The following PURG variants were observed in gnomAD, a reference collection of about 807,000 sequenced individuals.
The protein encoded by PURG is purine rich element binding protein G, also known as purine-rich element-binding protein gamma.
PURG carries 3 observed loss-of-function variants against 24.3 expected under a neutral mutation model. The ratio of observed to expected loss-of-function variants is 0.12; its 90% CI spans 0.06 to 0.32. The LOEUF is 0.32. Ranked by LOEUF, PURG falls within the 10% of genes least tolerant of loss-of-function variation. The probability of loss-of-function intolerance (pLI) is 1.00; values close to 1 mark genes in which losing one functional copy is unlikely to be tolerated. For missense variants in PURG, 371 were observed against 439.1 expected, an observed-to-expected ratio of 0.84 and a Z score of 1.39; for synonymous variants, 180 against 173.1, an observed-to-expected ratio of 1.04 and a Z score of -0.31.
At chr8:31,012,710 A>C (rs1266386443) in intron 1 of PURG, among the ~76,000 whole-genome samples, 1 of 152,238 alleles carries the variant, frequency 6.6e-6, no homozygotes, top group African/African-American at 2.4e-5. Context: ...GGGTCCACAG[A>C]GGCTAAATGA....
chr8:31,001,777 T>C (rs752771991), intron 1 of PURG, among the ~76,000 whole-genome samples: 5 of 152,216 alleles, frequency 3.3e-5, no homozygotes, highest in African/African-American at 4.8e-5. Context: ...TAGGTAGTAT[T>C]ACTTGTCTTA....
At chr8:31,020,435 T>C (rs527874362) in intron 1 of PURG, among the ~76,000 whole-genome samples, 1 of 152,322 alleles carries the variant, frequency 6.6e-6, no homozygotes, top group African/African-American at 2.4e-5. Context: ...AATTCTTAGG[T>C]AGAGAAATTG....
chr8:31,032,846 G>A lies in PURG; in HGVS notation c.-6-58C>T. Reference sequence around the variant, plus strand: ...TGGGGGAGGGGTGTTGAGAACAATCGCAGACGCCCCTCGGCCTGACCGCCC... The same window carrying A: ...TGGGGGAGGGGTGTTGAGAACAATCACAGACGCCCCTCGGCCTGACCGCCC... On this transcript the variant is annotated intron_variant, in intron 1 of 1. Transcript: ENST00000523392. This position sits in a 1 kb window ranked among gnomAD's most constrained non-coding sequence, Gnocchi z 5.9. The A allele has an allele frequency of 2.4e-6, 3 of 1,226,246 alleles. No individual in the cohort carries two copies. Among genetic ancestry groups the A allele is most frequent in the Non-Finnish European group, 2.1e-6 (2 of 970,076 alleles). 76.0% of individuals were successfully genotyped at this position (1,226,246 alleles called of 1,614,324 possible).
chr8:31,005,631 T>G (rs998178416), intron 1 of PURG, among the ~76,000 whole-genome samples: 2 of 152,108 alleles, frequency 1.3e-5, no homozygotes, highest in African/African-American at 4.8e-5. Context: ...TGTCTTCATA[T>G]TCATCAAATC....
chr8:31,009,196 G>T (rs1021852476), intron 1 of PURG, among the ~76,000 whole-genome samples: 19 of 152,118 alleles, frequency 1.2e-4, no homozygotes, highest in African/African-American at 4.1e-4. Context: ...AGGTCAAAAT[G>T]GGTGGATCAC....
At chr8:31,001,449 G>A (rs1182135478) in intron 1 of PURG, among the ~76,000 whole-genome samples, 1 of 152,126 alleles carries the variant, frequency 6.6e-6, no homozygotes, top group African/African-American at 2.4e-5. Context: ...TTGTGCAGTG[G>A]TTCAGGTGCA....
intron 1 of PURG, among the ~76,000 whole-genome samples, chr8:31,024,000 C>T (rs560795185): frequency 1.3e-5 from 2 of 152,082 alleles, no homozygotes; most frequent in South Asian, 2.1e-4. Context: ...AATGCTCCTT[C>T]CAAATAATGA....
intron 1 of PURG, among the ~76,000 whole-genome samples, chr8:31,007,322 T>TG (rs1338857449): frequency 6.6e-6 from 1 of 152,176 alleles, no homozygotes. Flanking sequence ...TGACAGTCAC[T>TG]GGGGCCTAAA....
At chr8:31,016,399 G>GATAA (rs1415514472) in intron 1 of PURG, among the ~76,000 whole-genome samples, 1 of 150,206 alleles carries the variant, frequency 6.7e-6, no homozygotes, top group East Asian at 1.9e-4. Context: ...TAAATAAATA[G>GATAA]ATAAATAAAT....
chr8:31,005,778 T>TC (rs138113096), intron 1 of PURG, among the ~76,000 whole-genome samples: 1 of 135,478 alleles, frequency 7.4e-6, no homozygotes, highest in Non-Finnish European at 1.6e-5. Context: ...TTTCTTTTTT[T>TC]TTTTTTTCAT....
At chr8:31,005,723 C>A (rs774563680) in intron 1 of PURG, among the ~76,000 whole-genome samples, 2 of 150,970 alleles carry the variant, frequency 1.3e-5, no homozygotes, top group Non-Finnish European at 2.9e-5. Context: ...TAATGAAACA[C>A]GACATTCCTT....
intron 1 of PURG, among the ~76,000 whole-genome samples, chr8:31,004,108 C>T (rs972693232): frequency 6.6e-6 from 1 of 152,174 alleles, no homozygotes; most frequent in Admixed American, 6.5e-5. Context: ...AAATTTACTG[C>T]CACTCCCCAG....
rs1258279672 is a variant in PURG, at chr8:31,032,186, T to C, written c.597A>G (p.Arg199=). ...ENQRGRFLRI[R]QTMMRGTGMI... ...TGCCAGTCCCCCGCATCATGGTTTGTCTAATCCGTAGGAAGCGACCCCGCT... is the reference window on the plus strand; with the variant it reads ...TGCCAGTCCCCCGCATCATGGTTTGCCTAATCCGTAGGAAGCGACCCCGCT... The change falls in exon 2 of 2, where the codon AGA becomes AGG. Residue 199 remains arginine (R), a synonymous_variant. Transcript: ENST00000523392. This position sits in a 1 kb window ranked among gnomAD's most constrained non-coding sequence, Gnocchi z 5.9. 1 of 1,614,204 alleles carries C rather than the reference T, an allele frequency of 6.2e-7. No homozygotes were observed. Among genetic ancestry groups the C allele is most frequent in the Non-Finnish European group, 8.5e-7 (1 of 1,180,020 alleles).
Position 31,032,537 on chromosome 8 carries a change from GC to G in PURG, c.245del (p.Gly82AlafsTer4). 1 of 1,614,186 alleles carries G rather than the reference GC, an allele frequency of 6.2e-7. No homozygotes were observed. The highest frequency in any genetic ancestry group is 8.5e-7 in the Non-Finnish European group (1 of 1,180,022). On this transcript the variant is annotated frameshift_variant, in exon 2 of 2. Coordinates refer to ENST00000523392, the MANE Select transcript of PURG (RefSeq NM_001323311.2). LOFTEE classifies it high-confidence loss of function. The surrounding 1 kb of genome is among the most constrained non-coding windows in gnomAD (Gnocchi z 5.9). ...FYLDVKQSSR[G>X]RFLKIAEVWI... ...AGACTTCGGCTATCTTTAGGAAGCGGCCCCGGGAGCTTTGCTTCACGTCTAG... is the reference window on the plus strand; with the variant it reads ...AGACTTCGGCTATCTTTAGGAAGCGGCCCGGGAGCTTTGCTTCACGTCTAG...
downstream of PURG, among the ~76,000 whole-genome samples, chr8:31,026,609 T>C (rs1179577534): frequency 1.4e-5 from 2 of 145,856 alleles, no homozygotes; most frequent in African/African-American, 2.5e-5. Context: ...GTATATATAA[T>C]ATGTTTTCAT....
At chr8:31,017,131 T>C (rs953949475) in intron 1 of PURG, among the ~76,000 whole-genome samples, 2 of 152,186 alleles carry the variant, frequency 1.3e-5, no homozygotes, top group East Asian at 3.9e-4. Flanking sequence ...AAAACTTTTA[T>C]GTCTCTAAAG....
intron 1 of PURG, among the ~76,000 whole-genome samples, chr8:31,009,612 T>C (rs771840828): frequency 1.3e-5 from 2 of 152,200 alleles, no homozygotes; most frequent in Non-Finnish European, 1.5e-5. Context: ...TTAATCCTAT[T>C]GAAATGGAAA....
chr8:31,017,412 ATATATC>A (rs67824323), intron 1 of PURG, among the ~76,000 whole-genome samples: 65,260 of 150,844 alleles, frequency 0.43, 17,089 homozygotes, highest in East Asian at 0.76. Flanking sequence ...ATAAGAGATT[ATATATC>A]TATATCTATA....
At chr8:31,006,641 C>T (rs1449824875) in intron 1 of PURG, among the ~76,000 whole-genome samples, 1 of 152,184 alleles carries the variant, frequency 6.6e-6, no homozygotes, top group Non-Finnish European at 1.5e-5. Context: ...TGTCCCAAAT[C>T]CACCTATAAC....
Sources: gnomAD v4.1 joint callset for allele counts (sites outside exome capture counted in the v4.1 genomes callset) on GRCh38, gnomAD v4.1.1 for gene constraint, Gnocchi (gnomAD v3.1) non-coding constraint, MANE v1.5 for transcripts, NCBI Gene and HGNC (gene_info 2026-07-23, HGNC 2026-07-21) for gene names.